SERPINB13: variants seen among roughly 807,000 people sequenced by gnomAD.
The protein encoded by SERPINB13 is serpin family B member 13, also known as serpin B13.
A neutral mutation model predicts 31.2 loss-of-function variants in SERPINB13; 26 were observed. That is an observed-to-expected ratio of 0.83 (90% CI 0.61 to 1.15). The LOEUF is 1.15. Ranked by LOEUF, SERPINB13 falls within the 50% of genes most tolerant of loss-of-function variation. The pLI is 0.00. For missense variants in SERPINB13, 510 were observed against 469.4 expected, an observed-to-expected ratio of 1.09 and a Z score of -0.80; for synonymous variants, 191 against 172.4, an observed-to-expected ratio of 1.11 and a Z score of -0.85.
At chr18:63,591,416 C>T (rs966087713) in intron 3 of SERPINB13, among the ~76,000 whole-genome samples, 2 of 148,738 alleles carry the variant, frequency 1.3e-5, no homozygotes, top group African/African-American at 4.9e-5. Context: ...TCTTTCCTTC[C>T]TTCCTTCCTT....
In SERPINB13 at chr18:63,588,705, T is replaced by C. The variant is rs1911657771; in HGVS notation, c.38T>C (p.Phe13Ser). Reference sequence around the variant, plus strand: ...GGCGCCGTCAGCACTCGACTTGGGTTTGATCTTTTCAAAGAGCTGAAGAAA... The same window carrying C: ...GGCGCCGTCAGCACTCGACTTGGGTCTGATCTTTTCAAAGAGCTGAAGAAA... ...SLGAVSTRLG[F>S]DLFKELKKTN... is the part of the protein sequence containing the mutation. The change falls in exon 2 of 8, where the codon TTT becomes TCT. Residue 13 changes from phenylalanine (F) to serine (S), a missense_variant. Coordinates refer to ENST00000344731, the MANE Select transcript of SERPINB13 (RefSeq NM_012397.4). The C allele has an allele frequency of 6.2e-7, 1 of 1,614,200 alleles. No individual in the cohort carries two copies. Among genetic ancestry groups the C allele is most frequent in the African/African-American group, 1.3e-5 (1 of 75,054 alleles).
rs751796215 is a variant in SERPINB13 at position 63,597,146 on chromosome 18, C to T, written c.959C>T (p.Ser320Leu). ...SEHKADYSGM[S>L]SGSGLYAQKF... ...CACAAAGCCGACTACTCGGGAATGTCGTCAGGCTCCGGGTTGTACGCCCAG... is the reference window on the plus strand; with the variant it reads ...CACAAAGCCGACTACTCGGGAATGTTGTCAGGCTCCGGGTTGTACGCCCAG... Residue 320 changes from serine to leucine, a missense_variant, in exon 8 of 8, where the codon TCG becomes TTG. By Grantham distance (145) the Ser-to-Leu change is moderately radical. Transcript: ENST00000344731. 11 of 1,614,080 alleles carry T rather than the reference C, an allele frequency of 6.8e-6. No homozygotes were observed. The East Asian group carries it at 1.3e-4, about 20-fold the overall frequency.
In SERPINB13 at chr18:63,592,392, G is replaced by T; in HGVS notation, c.270G>T (p.Leu90Phe). Residue 90 changes from leucine to phenylalanine, a missense_variant, in exon 4 of 8, where the codon TTG becomes TTT. By Grantham distance (22) the Leu-to-Phe change is conservative. Coordinates refer to ENST00000344731, the MANE Select transcript of SERPINB13 (RefSeq NM_012397.4). ...EAVHQQFQKF[L>F]TEISKLTNDY... ...TACATCAACAATTCCAAAAGTTTTT[G>T]ACTGAAATAAGCAAACTCACTAATG... 1 of 1,612,232 alleles carries T rather than the reference G, an allele frequency of 6.2e-7. No individual in the cohort carries two copies.
chr18:63,597,513 A>C lies in SERPINB13; in HGVS notation c.*150A>C, dbSNP rs988425460. On this transcript the variant is annotated 3_prime_UTR_variant, in exon 8 of 8. Coordinates refer to ENST00000344731, the MANE Select transcript of SERPINB13 (RefSeq NM_012397.4). Reference sequence around the variant, plus strand: ...AATCAATGATTTAATGACTCCAATAATGTGTGTGTTTATAACCATCCTCGA... The same window carrying C: ...AATCAATGATTTAATGACTCCAATACTGTGTGTGTTTATAACCATCCTCGA... The C allele has an allele frequency of 6.1e-6, 5 of 818,846 alleles. No individual in the cohort carries two copies. Among genetic ancestry groups the C allele is most frequent in the Non-Finnish European group, 9.5e-6 (5 of 528,792 alleles). 50.7% of individuals were successfully genotyped at this position (818,846 alleles called of 1,614,324 possible). A position where few individuals can be genotyped will look rare whatever the true frequency, so the allele number is the denominator to read the frequency against.
rs894318291 is a variant in SERPINB13, at chr18:63,595,057, C to T, written c.644C>T (p.Thr215Ile). 1 of 1,613,680 alleles carries T rather than the reference C, an allele frequency of 6.2e-7. No individual in the cohort carries two copies. Among genetic ancestry groups the T allele is most frequent in the African/African-American group, 1.3e-5 (1 of 74,902 alleles). Residue 215 changes from threonine (T) to isoleucine (I), a missense_variant, in exon 7 of 8, where the codon ACA (threonine) becomes ATA (isoleucine). By Grantham distance (89) the Thr-to-Ile change is moderately conservative. Transcript: ENST00000344731. ...ACAAGTAAATCTGTACAGATGATGA[C>T]ACAGAGCCATTCCTTTAGCTTCACT... is the stretch of plus-strand genomic sequence containing the variant. The part of the protein sequence containing the change: ...KSTSKSVQMM[T>I]QSHSFSFTFL...
chr18:63,588,861 T>C (rs1911670601), intron 2 of SERPINB13, 29 bp downstream of exon 2: 1 of 1,593,836 alleles, frequency 6.3e-7, no homozygotes, highest in South Asian at 1.1e-5. Flanking sequence ...GCTTCCTTGT[T>C]TCCTATGCAC....
rs973015450 is a variant in SERPINB13, at chr18:63,597,894, C to T, written c.*531C>T. ...GCCAGGACAAAATAAAACAATATAC[C>T]AGATGGAGAGGATGCCCGTATTTTC... On this transcript the variant is annotated 3_prime_UTR_variant, in exon 8 of 8. Transcript: ENST00000344731. 6.5e-6 allele frequency: 1 copy of T among 152,978 alleles called. No homozygotes were observed. The highest frequency in any genetic ancestry group is 2.4e-5 in the African/African-American group (1 of 41,400). The allele number at this position is 152,978 out of a possible 1,614,324, so 9.5% of individuals were successfully genotyped here.
At position 63,588,827 on chromosome 18, in the gene SERPINB13, G is replaced by T; in HGVS notation, c.160G>T (p.Glu54Ter). The T allele has an allele frequency of 6.2e-7, 1 of 1,613,844 alleles. No homozygotes were observed. Among genetic ancestry groups the T allele is most frequent in the African/African-American group, 1.3e-5 (1 of 75,032 alleles). ...CCGAGGAGCCACCGCTTCCCAGTTG[G>T]AGGAGGTTGGGCGCAGTCAGGGGGC... ...GTRGATASQL[E>*]EVFHSEKETK... The change falls in exon 2 of 8, where the codon GAG becomes TAG. Residue 54 changes from glutamate to a stop codon, truncating the protein, a stop_gained. Coordinates refer to ENST00000344731, the MANE Select transcript of SERPINB13 (RefSeq NM_012397.4). LOFTEE classifies it high-confidence loss of function.
chr18:63,589,799 TG>T (rs1911745919), intron 3 of SERPINB13, 84 bp downstream of exon 3: 1 of 1,604,052 alleles, frequency 6.2e-7, no homozygotes, highest in Non-Finnish European at 8.5e-7. Flanking sequence ...GTGGGGTCTC[TG>T]GGGAAAAGGA....
rs748992326 is a variant in SERPINB13 at position 63,592,467 on chromosome 18, C to A, written c.345C>A (p.Leu115=). 2 of 1,613,024 alleles carry A rather than the reference C, an allele frequency of 1.2e-6. No homozygotes were observed. Among genetic ancestry groups the A allele is most frequent in the Non-Finnish European group, 8.5e-7 (1 of 1,179,656 alleles). ...TNRLFGEKTY[L]FLQKYLDYVE... ...GGCTGTTTGGAGAAAAAACATACCT[C>A]TTCCTTCAAGTAAGTTTGCCATGCC... The change falls in exon 4 of 8, where the codon CTC becomes CTA. Residue 115 remains leucine (L), a synonymous_variant. Transcript: ENST00000344731.
chr18:63,594,201 G>A (rs1442461262), intron 5 of SERPINB13, 154 bp from the exon 6 acceptor site: 3 of 1,533,766 alleles, frequency 2.0e-6, no homozygotes, highest in Admixed American at 2.0e-5. Context: ...CCTCCCCGTC[G>A]ATTCTGCCAG....
chr18:63,597,335 T>C lies in SERPINB13; in HGVS notation c.1148T>C (p.Leu383Pro). The C allele has an allele frequency of 1.2e-6, 2 of 1,613,386 alleles. No homozygotes were observed. Among genetic ancestry groups the C allele is most frequent in the South Asian group, 2.2e-5 (2 of 91,014 alleles). ...AGGCACAATGAATCCAACAGCATCC[T>C]CTTCTTCGGCAGATTTTCTTCTCCT... The part of the protein sequence containing the change: ...FIRHNESNSI[L>P]FFGRFSSP The change falls in exon 8 of 8, where the codon CTC becomes CCC. Residue 383 changes from leucine (L) to proline (P), a missense_variant. By Grantham distance (98) the Leu-to-Pro change is moderately conservative. Coordinates refer to ENST00000344731, the MANE Select transcript of SERPINB13 (RefSeq NM_012397.4).
chr18:63,595,217 A>G, intron 7 of SERPINB13, 33 bp downstream of exon 7: 1 of 1,581,252 alleles, frequency 6.3e-7, no homozygotes, highest in East Asian at 2.2e-5. Context: ...TCTTTCTTTC[A>G]TTTCCTAAGG....
chr18:63,597,165 C>T lies in SERPINB13; in HGVS notation c.978C>T (p.Tyr326=), dbSNP rs773194630. ...YSGMSSGSGL[Y]AQKFLHSSFV... ...GAATGTCGTCAGGCTCCGGGTTGTA[C>T]GCCCAGAAGTTCCTGCACAGTTCCT... The change falls in exon 8 of 8, where the codon TAC becomes TAT. Residue 326 remains tyrosine, a synonymous_variant. Coordinates refer to ENST00000344731, the MANE Select transcript of SERPINB13 (RefSeq NM_012397.4). 12 of 1,614,202 alleles carry T rather than the reference C, an allele frequency of 7.4e-6. No homozygotes were observed. Among genetic ancestry groups the T allele is most frequent in the Non-Finnish European group, 9.3e-6 (11 of 1,180,040 alleles).
chr18:63,594,911 ACT>A (rs2144406861), intron 6 of SERPINB13, 116 bp from the exon 7 acceptor site: 2 of 931,926 alleles, frequency 2.1e-6, no homozygotes, highest in East Asian at 5.3e-5. Context: ...TCATTCTGAG[ACT>A]CTGATATTGG....
chr18:63,595,298 C>T, intron 7 of SERPINB13, 114 bp downstream of exon 7: 1 of 1,038,022 alleles, frequency 9.6e-7, no homozygotes. Flanking sequence ...TTCTCACTCT[C>T]CAGCAGCTAC....
chr18:63,594,200 C>T lies in SERPINB13; in HGVS notation c.473-155C>T, dbSNP rs188869995. On this transcript the variant is annotated intron_variant, in intron 5 of 7. Coordinates refer to ENST00000344731, the MANE Select transcript of SERPINB13 (RefSeq NM_012397.4). ...ATGGGCAAAATGAGAACCTCCCCGT[C>T]GATTCTGCCAGCAAACCCTTTGTCA... is the stretch of plus-strand genomic sequence containing the variant. 3.8e-5 allele frequency: 58 copies of T among 1,532,256 alleles called. No homozygotes were observed. The East Asian group carries it at 4.0e-4, about 11-fold the overall frequency. The allele number at this position is 1,532,256 out of a possible 1,614,324, so 94.9% of individuals were successfully genotyped here.
chr18:63,592,027 G>C (rs1467406836), intron 3 of SERPINB13, among the ~76,000 whole-genome samples: 1 of 152,082 alleles, frequency 6.6e-6, no homozygotes, highest in Non-Finnish European at 1.5e-5. Context: ...ATCTTGTGGG[G>C]AGCTAAAAAC....
chr18:63,593,979 G>T (rs1386173662), intron 5 of SERPINB13: 1 of 479,800 alleles, frequency 2.1e-6, no homozygotes, highest in East Asian at 6.8e-5. Flanking sequence ...TAAATCATTT[G>T]TTCCTTTCAA....
Sources: gnomAD v4.1 joint callset for allele counts (sites outside exome capture counted in the v4.1 genomes callset) on GRCh38, gnomAD v4.1.1 for gene constraint, MANE v1.5 for transcripts, NCBI Gene and HGNC (gene_info 2026-07-23, HGNC 2026-07-21) for gene names.